KMT2C: variants seen among roughly 807,000 people sequenced by gnomAD.
The protein encoded by KMT2C is lysine methyltransferase 2C, also known as histone-lysine N-methyltransferase 2C.
In KMT2C, 88 loss-of-function variants were observed where a neutral mutation model predicts 507.9. That is an observed-to-expected ratio of 0.17 (90% CI 0.15 to 0.21). KMT2C has a LOEUF of 0.21. Ranked by LOEUF, KMT2C falls within the 10% of genes least tolerant of loss-of-function variation. The pLI, the probability that KMT2C is intolerant of heterozygous loss-of-function variation, is 1.00. For missense variants in KMT2C, 4,954 were observed against 5,957.8 expected, an observed-to-expected ratio of 0.83 and a Z score of 5.55; for synonymous variants, 2,049 against 2,080.8, an observed-to-expected ratio of 0.98 and a Z score of 0.42.
chr7:152,228,367 A>G (rs950230744), intron 18 of KMT2C, among the ~76,000 whole-genome samples: 1 of 152,214 alleles, frequency 6.6e-6, no homozygotes, highest in Non-Finnish European at 1.5e-5. Context: ...AAAGGTATCA[A>G]ACTTATCCAC....
Position 152,317,916 on chromosome 7 carries a change from A to G in KMT2C, c.390-2578T>C, listed in dbSNP as rs552596225. Among the ~76,000 whole-genome samples, 6 of 152,172 alleles carry G rather than the reference A, an allele frequency of 3.9e-5. No individual in the cohort carries two copies. The South Asian group carries it at 1.2e-3, about 32-fold the overall frequency. ...AGCACTTTGGGAGGCCGAGACGGGC[A>G]GATCACAGGTCTGGAGTTCGAGACC... On this transcript the variant is annotated intron_variant, in intron 3 of 58. Transcript: ENST00000262189.
intron 34 of KMT2C, among the ~76,000 whole-genome samples, chr7:152,185,068 C>A (rs2093582287): frequency 6.6e-6 from 1 of 152,162 alleles, no homozygotes; most frequent in Non-Finnish European, 1.5e-5. Flanking sequence ...CTCCTGTATA[C>A]TTTAAGTCAT....
chr7:152,380,573 GA>G (rs36092195), intron 1 of KMT2C, among the ~76,000 whole-genome samples: 65 of 80,720 alleles, frequency 8.1e-4, no homozygotes, highest in East Asian at 4.7e-3. Flanking sequence ...TGTCTCAAAA[GA>G]AAAAAAAAAA....
chr7:152,183,922 A>C (rs545640814), intron 34 of KMT2C, among the ~76,000 whole-genome samples: 1 of 149,986 alleles, frequency 6.7e-6, no homozygotes, highest in Non-Finnish European at 1.5e-5. Context: ...AAAAAGAAAA[A>C]TCAGCCAGGC....
intron 6 of KMT2C, among the ~76,000 whole-genome samples, chr7:152,307,206 GAA>G (rs2096624298): frequency 2.6e-5 from 3 of 113,484 alleles, no homozygotes; most frequent in East Asian, 2.4e-4. Context: ...AGGAAGGAAG[GAA>G]GGAAGGAAGG....
chr7:152,267,546 G>GT (rs1563654790), intron 7 of KMT2C, among the ~76,000 whole-genome samples: 1 of 152,102 alleles, frequency 6.6e-6, no homozygotes, highest in Non-Finnish European at 1.5e-5. Flanking sequence ...TGGTGCAAAA[G>GT]TAACTGCAGT....
intron 1 of KMT2C, among the ~76,000 whole-genome samples, chr7:152,395,561 G>A (rs756210183): frequency 6.6e-6 from 1 of 152,156 alleles, no homozygotes; most frequent in African/African-American, 2.4e-5. Flanking sequence ...AGGCTGGAGT[G>A]CAGTGGCGCC....
Position 152,194,060 on chromosome 7 carries a change from G to C in KMT2C, c.4609C>G (p.Pro1537Ala). 6.3e-7 allele frequency: 1 copy of C among 1,593,274 alleles called. No individual in the cohort carries two copies. Among genetic ancestry groups the C allele is most frequent in the Non-Finnish European group, 8.5e-7 (1 of 1,173,392 alleles). The change falls in exon 31 of 59, where the codon CCA becomes GCA. Residue 1537 changes from proline to alanine, a missense_variant. This residue lies in a region of KMT2C where 195 missense variants were observed against 183.7 expected (regional missense o/e 1.06). Transcript: ENST00000262189. ...GTTGGTGGGGGAGGCTGTGGCAATG[G>C]AGTTGGCTGAGTGTTCGCAGGACTA... is the stretch of plus-strand genomic sequence containing the variant. ...VLSPANTQPT[P>A]LPQPPPPTQL... is the part of the protein sequence containing the mutation.
chr7:152,400,674 G>A (rs2097567003), intron 1 of KMT2C, among the ~76,000 whole-genome samples: 2 of 152,172 alleles, frequency 1.3e-5, no homozygotes, highest in Admixed American at 1.3e-4. Flanking sequence ...AGATAAGCAA[G>A]GATTCAAAAC....
chr7:152,202,993 T>TTTTTTTCGG lies in KMT2C; in HGVS notation c.4032_4033insCCGAAAAAA (p.Ile1344_Lys1345insProLysLys). ...TTTTTCCTTTTTCGGTATCTCTTCTTTATTTTTTCAGTGCTTTCAGTAACA... is the reference window on the plus strand; with the variant it reads ...TTTTTCCTTTTTCGGTATCTCTTCTTTTTTTTCGGTATTTTTTCAGTGCTTTCAGTAACA... On this transcript the variant is annotated inframe_insertion, in exon 26 of 59. Transcript: ENST00000262189. 1 of 1,610,906 alleles carries TTTTTTTCGG rather than the reference T, an allele frequency of 6.2e-7. No homozygotes were observed. The highest frequency in any genetic ancestry group is 1.7e-5 in the Admixed American group (1 of 59,848).
In KMT2C at chr7:152,152,844, G is replaced by A. The variant is rs2129097618; in HGVS notation, c.12387C>T (p.Ser4129=). 2 of 1,614,186 alleles carry A rather than the reference G, an allele frequency of 1.2e-6. No individual in the cohort carries two copies. Among genetic ancestry groups the A allele is most frequent in the Non-Finnish European group, 1.7e-6 (2 of 1,180,024 alleles). The part of the protein sequence containing the change: ...PDVPSMGLVS[S]HRINPGLEYR... ...ACTCCAAACCCGGGTTGATTCTGTG[G>A]CTACTGACCAAACCCATGGATGGGA... Residue 4129 remains serine, a synonymous_variant, in exon 49 of 59, where the codon AGC becomes AGT. Coordinates refer to ENST00000262189, the MANE Select transcript of KMT2C (RefSeq NM_170606.3).
In KMT2C at chr7:152,194,533, G is replaced by A. The variant is rs1227713516; in HGVS notation, c.4414C>T (p.Pro1472Ser). 2.5e-6 allele frequency: 4 copies of A among 1,612,854 alleles called. No homozygotes were observed. The highest frequency in any genetic ancestry group is 3.4e-6 in the Non-Finnish European group (4 of 1,179,012). ...GPVTDDPSSL[P>S]QPNVNQSSRP... ...GAACTCTGATTGACATTTGGCTGAG[G>A]CAAAGAGGAAGGATCATCAGTGACA... The change falls in exon 29 of 59, where the codon CCT becomes TCT. Residue 1472 changes from proline to serine, a missense_variant. By Grantham distance (74) the Pro-to-Ser change is moderately conservative. Coordinates refer to ENST00000262189, the MANE Select transcript of KMT2C (RefSeq NM_170606.3).
At chr7:152,310,668 T>C (rs2096663513) in intron 5 of KMT2C, among the ~76,000 whole-genome samples, 1 of 151,966 alleles carries the variant, frequency 6.6e-6, no homozygotes. Context: ...GTTCTGTTTT[T>C]TTTTGTTGTT....
chr7:152,313,423 T>G (rs1342330875), intron 4 of KMT2C, among the ~76,000 whole-genome samples: 2 of 152,124 alleles, frequency 1.3e-5, no homozygotes, highest in African/African-American at 4.8e-5. Context: ...CTGGTTTGTA[T>G]GTATATACCA....
At position 152,286,801 on chromosome 7, in the gene KMT2C, C is replaced by G. The variant is rs537500340; in HGVS notation, c.850-12934G>C. On this transcript the variant is annotated intron_variant, in intron 6 of 58. Transcript: ENST00000262189. ...AGGTTTCCTTTCTGACTCATATATA[C>G]AAGAAAAGTTGCTAGAGAAGCAGAC... Among the ~76,000 whole-genome samples the G allele has an allele frequency of 2.0e-5, 3 of 152,192 alleles. No homozygotes were observed. In the East Asian group the frequency reaches 5.8e-4, roughly 29 times the overall value.
At chr7:152,253,034 C>A (rs1421449301) in intron 9 of KMT2C, among the ~76,000 whole-genome samples, 2 of 151,956 alleles carry the variant, frequency 1.3e-5, no homozygotes, top group African/African-American at 4.8e-5. Context: ...TTTGTGTTTA[C>A]TAAAGACACA....
At chr7:152,294,034 T>G (rs2096462594) in intron 6 of KMT2C, among the ~76,000 whole-genome samples, 1 of 151,736 alleles carries the variant, frequency 6.6e-6, no homozygotes, top group Non-Finnish European at 1.5e-5. Context: ...TTTTTTTTTT[T>G]TTTTTGGTAC....
Position 152,246,691 on chromosome 7 carries a change from C to CA in KMT2C, c.2532+1210dup, listed in dbSNP as rs142123646. Among the ~76,000 whole-genome samples, 899 of 150,222 alleles carry CA rather than the reference C, an allele frequency of 6.0e-3. 6 individuals carry two copies. Among genetic ancestry groups the CA allele is most frequent in the Non-Finnish European group, 8.1e-3 (543 of 67,434 alleles). On this transcript the variant is annotated intron_variant, in intron 14 of 58. Transcript: ENST00000262189. Reference sequence around the variant, plus strand: ...TATTATATAACTATTCAAAACAAAACAAAAAAAAACTTACTAGAAAGGAGC... The same window carrying CA: ...TATTATATAACTATTCAAAACAAAACAAAAAAAAAACTTACTAGAAAGGAGC...
At chr7:152,211,780 G>A (rs2094460383) in intron 23 of KMT2C, among the ~76,000 whole-genome samples, 1 of 152,202 alleles carries the variant, frequency 6.6e-6, no homozygotes, top group Non-Finnish European at 1.5e-5. Context: ...CAGGCACGGT[G>A]GCTCATGCCT....
Sources: gnomAD v4.1 joint callset for allele counts (sites outside exome capture counted in the v4.1 genomes callset) on GRCh38, gnomAD v4.1.1 for gene constraint, gnomAD v4.1.1 regional missense constraint, MANE v1.5 for transcripts, NCBI Gene and HGNC (gene_info 2026-07-23, HGNC 2026-07-21) for gene names.